Variants in BAG2 observed in about 807,000 individuals in gnomAD.
BAG2 encodes the protein BAG cochaperone 2.
A neutral mutation model predicts 16.4 loss-of-function variants in BAG2; 8 were observed. The observed-to-expected ratio is 0.49, with a 90% CI of 0.29 to 0.88. BAG2 has a LOEUF of 0.88. Ranked by LOEUF, BAG2 falls within the 40% of genes least tolerant of loss-of-function variation. The pLI, the probability that BAG2 is intolerant of heterozygous loss-of-function variation, is 0.09. For synonymous variants in BAG2, 82 were observed against 89.2 expected (o/e 0.92, Z 0.46); for missense variants, 218 against 248.9 (o/e 0.88, Z 0.84).
Position 57,172,520 on chromosome 6 carries a change from C to G in BAG2, c.-178C>G. ...GAGCCCCGCGGGCGCCGCGCCTGCC[C>G]TTCTTTGGCTACGCTGCAGCCGCGG... On this transcript the variant is annotated 5_prime_UTR_variant, in exon 1 of 3. Coordinates refer to ENST00000370693, the MANE Select transcript of BAG2 (RefSeq NM_004282.4). 1 of 471,778 alleles carries G rather than the reference C, an allele frequency of 2.1e-6. No individual in the cohort carries two copies. The highest frequency in any genetic ancestry group is 3.7e-6 in the Non-Finnish European group (1 of 272,434). The allele number at this position is 471,778 out of a possible 1,614,324, so 29.2% of individuals were successfully genotyped here.
Position 57,172,725 on chromosome 6 carries a change from G to T in BAG2, c.28G>T (p.Ala10Ser). MAQAKINAK[A>S]NEGRFCRSSS... ...GGCTCAGGCGAAGATCAACGCTAAA[G>T]CCAACGAGGGGCGCTTCTGCCGCTC... Residue 10 changes from alanine to serine, a missense_variant, in exon 1 of 3, where the codon GCC (alanine) becomes TCC (serine). Coordinates refer to ENST00000370693, the MANE Select transcript of BAG2 (RefSeq NM_004282.4). 6.3e-7 allele frequency: 1 copy of T among 1,580,268 alleles called. No homozygotes were observed.
At chr6:57,177,606 ATTAAC>A (rs1254160266) in intron 1 of BAG2, among the ~76,000 whole-genome samples, 20 of 152,258 alleles carry the variant, frequency 1.3e-4, no homozygotes, top group Admixed American at 9.2e-4. Context: ...CATTATACAT[ATTAAC>A]TTGTGTGTGT....
Position 57,184,157 on chromosome 6 carries a change from T to C in BAG2, c.603T>C (p.Thr201=), listed in dbSNP as rs1386216203. ...LEHSKGAGSK[T]LQQNAESRFN ...ATTCTAAAGGAGCTGGTTCCAAAAC[T>C]CTGCAACAAAATGCTGAAAGCAGAT... Residue 201 remains threonine (T), a synonymous_variant, in exon 3 of 3, where the codon ACT becomes ACC. Transcript: ENST00000370693. 2 of 1,558,766 alleles carry C rather than the reference T, an allele frequency of 1.3e-6. No homozygotes were observed. The highest frequency in any genetic ancestry group is 2.5e-5 in the South Asian group (2 of 80,034).
intron 2 of BAG2, 22 bp from the exon 3 acceptor site, chr6:57,183,756 T>C: frequency 1.3e-6 from 2 of 1,528,086 alleles, no homozygotes; most frequent in Non-Finnish European, 1.8e-6. Flanking sequence ...CAGATAAGTT[T>C]ACATCTCATA....
At chr6:57,183,279 C>T (rs181567596) in intron 2 of BAG2, among the ~76,000 whole-genome samples, 9 of 152,340 alleles carry the variant, frequency 5.9e-5, no homozygotes, top group Admixed American at 2.0e-4. Context: ...AGACCACTGT[C>T]CTGCTTCTAT....
intron 1 of BAG2, chr6:57,174,123 C>A: frequency 1.1e-6 from 1 of 924,064 alleles, no homozygotes; most frequent in Non-Finnish European, 1.4e-6. Flanking sequence ...CCGTTCCACT[C>A]CCAGAAAAAG....
rs189407933 is a variant in BAG2 at position 57,189,040 on chromosome 6, G to T, written c.*4850G>T. On this transcript the variant is annotated 3_prime_UTR_variant, in exon 3 of 3. Coordinates refer to ENST00000370693, the MANE Select transcript of BAG2 (RefSeq NM_004282.4). The stretch of plus-strand genomic sequence containing the variant: ...GATTTTGCAATGCTGTAAAAACCAG[G>T]TATATTGAAAGGGGTTATTTATAGG... The T allele has an allele frequency of 1.3e-5, 2 of 152,092 alleles. No individual in the cohort carries two copies. The highest frequency in any genetic ancestry group is 2.9e-5 in the Non-Finnish European group (2 of 68,006). 9.4% of individuals were successfully genotyped at this position (152,092 alleles called of 1,614,324 possible).
intron 1 of BAG2, among the ~76,000 whole-genome samples, chr6:57,177,654 T>C (rs745867887): frequency 2.0e-5 from 3 of 152,214 alleles, no homozygotes; most frequent in Non-Finnish European, 4.4e-5. Flanking sequence ...TATCAGTCAC[T>C]GTTAAACTCT....
chr6:57,184,580 GCA>G lies in BAG2; in HGVS notation c.*397_*398del, dbSNP rs943860358. ...TACTAGAAATTCTTTACCTTAAGCA[GCA>G]CACACATTTACTACACACACAGTGT... On this transcript the variant is annotated 3_prime_UTR_variant, in exon 3 of 3. Coordinates refer to ENST00000370693, the MANE Select transcript of BAG2 (RefSeq NM_004282.4). The G allele has an allele frequency of 6.4e-6, 1 of 157,054 alleles. No homozygotes were observed. The highest frequency in any genetic ancestry group is 2.4e-5 in the African/African-American group (1 of 41,518). 9.7% of individuals were successfully genotyped at this position (157,054 alleles called of 1,614,324 possible). A position where few individuals can be genotyped will look rare whatever the true frequency, so the allele number is the denominator to read the frequency against.
intron 1 of BAG2, among the ~76,000 whole-genome samples, chr6:57,176,247 A>G (rs1368889089): frequency 6.6e-6 from 1 of 152,230 alleles, no homozygotes; most frequent in Non-Finnish European, 1.5e-5. Context: ...TTAGAAGCTT[A>G]AATGACTTGT....
At chr6:57,176,272 C>T (rs1184829720) in intron 1 of BAG2, among the ~76,000 whole-genome samples, 8 of 152,190 alleles carry the variant, frequency 5.3e-5, no homozygotes. Context: ...AGTCACACAA[C>T]TAGAGAGTAG....
At chr6:57,173,539 C>G (rs1218022816) in intron 1 of BAG2, 1 of 957,298 alleles carries the variant, frequency 1.0e-6, no homozygotes. Context: ...TAGTTTTCCC[C>G]TTTTCTTGCT....
At position 57,172,614 on chromosome 6, in the gene BAG2, C is replaced by T; in HGVS notation, c.-84C>T. ...AGGGCGGGCGCCCGCGTGGTGACGG[C>T]GACGCCTGCAGCCCAAGGAGCGCTC... On this transcript the variant is annotated 5_prime_UTR_variant, in exon 1 of 3. Transcript: ENST00000370693. 20 of 1,186,798 alleles carry T rather than the reference C, an allele frequency of 1.7e-5. No individual in the cohort carries two copies. Among genetic ancestry groups the T allele is most frequent in the Non-Finnish European group, 2.1e-5 (19 of 899,678 alleles). 73.5% of individuals were successfully genotyped at this position (1,186,798 alleles called of 1,614,324 possible).
In BAG2 at chr6:57,189,305, T is replaced by C. The variant is rs2127995773; in HGVS notation, c.*5115T>C. ...ATAATCTTAAAATACCATACAAAAATGTGTAAACAAAAGGATGGTTTAGAG... is the reference window on the plus strand; with the variant it reads ...ATAATCTTAAAATACCATACAAAAACGTGTAAACAAAAGGATGGTTTAGAG... On this transcript the variant is annotated 3_prime_UTR_variant, in exon 3 of 3. Transcript: ENST00000370693. The C allele has an allele frequency of 6.6e-6, 1 of 152,284 alleles. No homozygotes were observed. The highest frequency in any genetic ancestry group is 2.4e-5 in the African/African-American group (1 of 41,552). The allele number at this position is 152,284 out of a possible 1,614,324, so 9.4% of individuals were successfully genotyped here.
At chr6:57,181,434 G>A (rs1026909536) in intron 1 of BAG2, among the ~76,000 whole-genome samples, 2 of 152,210 alleles carry the variant, frequency 1.3e-5, no homozygotes, top group Non-Finnish European at 2.9e-5. Flanking sequence ...GCTCACACCT[G>A]TAATCCCAGC....
In BAG2 at chr6:57,185,050, CTTCT is replaced by C. The variant is rs1209203479; in HGVS notation, c.*864_*867del. The C allele has an allele frequency of 6.6e-6, 1 of 151,788 alleles. No individual in the cohort carries two copies. 9.4% of individuals were successfully genotyped at this position (151,788 alleles called of 1,614,324 possible). ...ATATTTTTGTACACAGGACTTTTTC[CTTCT>C]TTCATTTTTGTTTTTCTCTGTATAA... On this transcript the variant is annotated 3_prime_UTR_variant, in exon 3 of 3. Coordinates refer to ENST00000370693, the MANE Select transcript of BAG2 (RefSeq NM_004282.4).
At chr6:57,173,002 C>A in intron 1 of BAG2, 192 bp downstream of exon 1, 1 of 659,372 alleles carries the variant, frequency 1.5e-6, no homozygotes, top group Non-Finnish European at 2.2e-6. Flanking sequence ...ATTATCTCCC[C>A]TAGTCCGAGA....
intron 1 of BAG2, 55 bp from the exon 2 acceptor site, chr6:57,181,973 AAATT>A: frequency 6.9e-7 from 1 of 1,443,024 alleles, no homozygotes; most frequent in Non-Finnish European, 9.5e-7. Flanking sequence ...GAGATAAAGA[AAATT>A]AATAGGAAGA....
rs1764604586 is a variant in BAG2, at chr6:57,186,043, CAGTGT to C, written c.*1854_*1858del. 1 of 152,152 alleles carries C rather than the reference CAGTGT, an allele frequency of 6.6e-6. No homozygotes were observed. The highest frequency in any genetic ancestry group is 2.4e-5 in the African/African-American group (1 of 41,418). The allele number at this position is 152,152 out of a possible 1,614,324, so 9.4% of individuals were successfully genotyped here. On this transcript the variant is annotated 3_prime_UTR_variant, in exon 3 of 3. Transcript: ENST00000370693. Reference sequence around the variant, plus strand: ...CAAGCTGCTTGGGGTCCCTGGTTTACAGTGTCTCCAGCATTCTGTACCTAGAGCCA... The same window carrying C: ...CAAGCTGCTTGGGGTCCCTGGTTTACCTCCAGCATTCTGTACCTAGAGCCA...
Sources: gnomAD v4.1 joint callset for allele counts (sites outside exome capture counted in the v4.1 genomes callset) on GRCh38, gnomAD v4.1.1 for gene constraint, MANE v1.5 for transcripts, NCBI Gene and HGNC (gene_info 2026-07-23, HGNC 2026-07-21) for gene names.